Variants in MSANTD2 observed in about 807,000 individuals in gnomAD.
The protein encoded by MSANTD2 is Myb/SANT DNA binding domain containing 2, also known as myb/SANT-like DNA-binding domain-containing protein 2.
In MSANTD2, 19 loss-of-function variants were observed where a neutral mutation model predicts 52.6. That is an observed-to-expected ratio of 0.36 (90% confidence interval 0.25 to 0.53). The LOEUF (loss-of-function observed/expected upper bound fraction) is 0.53. MSANTD2 is among the 20% of genes least tolerant of loss of function. The pLI, the probability that MSANTD2 is intolerant of heterozygous loss-of-function variation, is 0.91. For synonymous variants in MSANTD2, 291 were observed against 289.7 expected (o/e 1.00, Z -0.04); for missense variants, 558 against 716.3 (o/e 0.78, Z 2.52).
intron 1 of MSANTD2, among the ~76,000 whole-genome samples, chr11:124,798,859 T>C (rs554651847): frequency 1.3e-5 from 2 of 152,260 alleles, no homozygotes; most frequent in South Asian, 2.1e-4. Flanking sequence ...ATAGGATAAG[T>C]AGTTCAGTAA....
chr11:124,780,520 T>A (rs2135248022), intron 1 of MSANTD2, among the ~76,000 whole-genome samples: 1 of 152,272 alleles, frequency 6.6e-6, no homozygotes, highest in Middle Eastern at 3.4e-3. Context: ...AGGGCAGAAG[T>A]TCTTAACCTT....
Position 124,783,628 on chromosome 11 carries a change from A to T in MSANTD2, c.511-8654T>A, listed in dbSNP as rs1048557515. 5 of 718,834 alleles carry T rather than the reference A, an allele frequency of 7.0e-6. No individual in the cohort carries two copies. In the South Asian group the frequency reaches 3.2e-4, roughly 45 times the overall value. 44.5% of individuals were successfully genotyped at this position (718,834 alleles called of 1,614,324 possible). ...GAGTGAGACTCTGTCTCAAAAAATA[A>T]AAATAAAAAATAAAAGAAAGTAAAA... On this transcript the variant is annotated intron_variant, in intron 1 of 3. Coordinates refer to ENST00000374979, the MANE Select transcript of MSANTD2 (RefSeq NM_001308027.2).
At chr11:124,793,227 CA>C (rs1375431761) in intron 1 of MSANTD2, among the ~76,000 whole-genome samples, 2 of 152,156 alleles carry the variant, frequency 1.3e-5, no homozygotes, top group African/African-American at 4.8e-5. Context: ...ATTTCCTAAA[CA>C]GCAAAAATTT....
At chr11:124,773,137 A>G (rs1052574111) in intron 2 of MSANTD2, 83 bp from the exon 3 acceptor site, 2 of 774,670 alleles carry the variant, frequency 2.6e-6, no homozygotes, top group African/African-American at 3.5e-5. Flanking sequence ...ATGTTTACTG[A>G]TCATTCCATA....
intron 3 of MSANTD2, among the ~76,000 whole-genome samples, chr11:124,772,538 T>A (rs1405135014): frequency 6.6e-6 from 1 of 152,020 alleles, no homozygotes; most frequent in Non-Finnish European, 1.5e-5. Context: ...GAGATCGAGA[T>A]AATCCTGGCT....
chr11:124,796,854 G>T, intron 1 of MSANTD2, among the ~76,000 whole-genome samples: 1 of 152,144 alleles, frequency 6.6e-6, no homozygotes. Flanking sequence ...AGAGATTTTT[G>T]AACTACTTGT....
intron 1 of MSANTD2, chr11:124,790,294 AGACAG>A (rs1221294036): frequency 6.6e-6 from 1 of 152,246 alleles, no homozygotes; most frequent in Admixed American, 6.5e-5. Flanking sequence ...GAGGAAATAC[AGACAG>A]GACTGTCTTC....
At chr11:124,784,719 C>A (rs1591464300) in intron 1 of MSANTD2, 1 of 950,682 alleles carries the variant, frequency 1.1e-6, no homozygotes, top group East Asian at 1.2e-4. Context: ...GCAAAGATAA[C>A]CTATAATAGA....
chr11:124,800,352 G>A lies in MSANTD2; in HGVS notation c.29C>T (p.Pro10Leu), dbSNP rs1945661968. 2 of 1,547,100 alleles carry A rather than the reference G, an allele frequency of 1.3e-6. No individual in the cohort carries two copies. Among genetic ancestry groups the A allele is most frequent in the African/African-American group, 1.4e-5 (1 of 70,478 alleles). MAAPCGSEL[P>L]ANSPLKIPKM... Reference sequence around the variant, plus strand: ...CGGAATTTTTAGCGGCGAGTTGGCGGGCAGCTCCGAGCCACAGGGCGCAGC... The same window carrying A: ...CGGAATTTTTAGCGGCGAGTTGGCGAGCAGCTCCGAGCCACAGGGCGCAGC... The change falls in exon 1 of 4, where the codon CCC (proline) becomes CTC (leucine). Residue 10 changes from proline to leucine, a missense_variant. Physicochemically the swap from Pro to Leu is moderately conservative, Grantham distance 98. This residue lies in a region of MSANTD2 where 150 missense variants were observed against 142.7 expected (regional missense o/e 1.05). Coordinates refer to ENST00000374979, the MANE Select transcript of MSANTD2 (RefSeq NM_001308027.2). This position sits in a 1 kb window ranked among gnomAD's most constrained non-coding sequence, Gnocchi z 4.3.
At position 124,800,243 on chromosome 11, in the gene MSANTD2, AC is replaced by A; in HGVS notation, c.137del (p.Gly46ValfsTer134). ...PSLSDPSTPR[G>X]ASPLGPGSAA... ...CACTGCCCGGCCCGAGCGGGGAGGC[AC>A]CCCGAGGCGTGGAAGGGTCGGACAG... On this transcript the variant is annotated frameshift_variant, in exon 1 of 4. Transcript: ENST00000374979. LOFTEE classifies it high-confidence loss of function. The surrounding 1 kb of genome is among the most constrained non-coding windows in gnomAD (Gnocchi z 4.3). The A allele has an allele frequency of 6.5e-7, 1 of 1,547,340 alleles. No homozygotes were observed. The highest frequency in any genetic ancestry group is 8.7e-7 in the Non-Finnish European group (1 of 1,150,786).
chr11:124,787,377 T>C (rs565333773), intron 1 of MSANTD2, among the ~76,000 whole-genome samples: 1 of 152,300 alleles, frequency 6.6e-6, no homozygotes, highest in South Asian at 2.1e-4. Context: ...GAATGCCAAC[T>C]TGACTTTTCT....
chr11:124,800,061 G>A lies in MSANTD2; in HGVS notation c.320C>T (p.Ala107Val), dbSNP rs1945644279. Residue 107 changes from alanine to valine, a missense_variant, in exon 1 of 4, where the codon GCC becomes GTC. Around this residue, in one of 2 missense-constraint regions of MSANTD2, gnomAD observed 408 missense variants for 573.6 expected, o/e 0.71. Transcript: ENST00000374979. The surrounding 1 kb of genome is among the most constrained non-coding windows in gnomAD (Gnocchi z 4.3). ...AACRGMSWTP[A>V]ETNALIAVWG... ...CACTGCGATGAGCGCGTTCGTCTCGGCTGGCGTCCACGACATGCCCCGGCA... is the reference window on the plus strand; with the variant it reads ...CACTGCGATGAGCGCGTTCGTCTCGACTGGCGTCCACGACATGCCCCGGCA... 2.6e-6 allele frequency: 4 copies of A among 1,548,552 alleles called. No homozygotes were observed. Among genetic ancestry groups the A allele is most frequent in the Non-Finnish European group, 3.5e-6 (4 of 1,157,560 alleles).
In MSANTD2 at chr11:124,768,504, AAAT is replaced by A. The variant is rs1373858040; in HGVS notation, c.828-479_828-477del. On this transcript the variant is annotated intron_variant, in intron 3 of 3. Transcript: ENST00000374979. ...TTAGAAAAGTATCTGGCGTCACTTA[AAAT>A]AATTAACAGCTTAATTTCTAACCTG... is the stretch of plus-strand genomic sequence containing the variant. Among the ~76,000 whole-genome samples, 3 of 152,344 alleles carry A rather than the reference AAAT, an allele frequency of 2.0e-5. No individual in the cohort carries two copies. The East Asian group carries it at 5.8e-4, about 29-fold the overall frequency.
rs35465165 is a variant in MSANTD2, at chr11:124,799,449, G to GC, written c.510+421dup. Among the ~76,000 whole-genome samples the GC allele has an allele frequency of 1.5e-3, 222 of 151,864 alleles. 2 individuals carry two copies. The East Asian group carries it at 0.026, about 18-fold the overall frequency. The stretch of plus-strand genomic sequence containing the variant: ...ACTATTCCTAAACTAGGGGCTCAAT[G>GC]CCCCCCCCTTCTGCCCTTCCTCAAT... On this transcript the variant is annotated intron_variant, in intron 1 of 3. Transcript: ENST00000374979.
At chr11:124,790,097 C>G (rs971255297) in intron 1 of MSANTD2, 2 of 152,200 alleles carry the variant, frequency 1.3e-5, no homozygotes, top group African/African-American at 4.8e-5. Flanking sequence ...GCTGGTTCTA[C>G]GTTAACGTAA....
At chr11:124,798,565 G>A (rs1051294262) in intron 1 of MSANTD2, among the ~76,000 whole-genome samples, 1 of 152,092 alleles carries the variant, frequency 6.6e-6, no homozygotes, top group Admixed American at 6.5e-5. Context: ...TTAATGGGTG[G>A]CAAATTCCTT....
chr11:124,784,694 A>T, intron 1 of MSANTD2: 1 of 981,472 alleles, frequency 1.0e-6, no homozygotes, highest in Non-Finnish European at 1.2e-6. Context: ...CTCACTAAAA[A>T]CTACCATCTA....
At chr11:124,777,368 G>A (rs78198916) in intron 1 of MSANTD2, among the ~76,000 whole-genome samples, 1,530 of 152,294 alleles carry the variant, frequency 0.01, 26 homozygotes, top group African/African-American at 0.035. Flanking sequence ...GGAAGTCAGG[G>A]AATAAAACTA....
intron 1 of MSANTD2, chr11:124,783,789 A>G: frequency 1.0e-6 from 1 of 985,358 alleles, no homozygotes; most frequent in Non-Finnish European, 1.2e-6. Context: ...AACCCTAAAG[A>G]AGGACAATAC....
Sources: allele counts gnomAD v4.1 joint callset (sites outside exome capture counted in the v4.1 genomes callset), GRCh38; gene constraint gnomAD v4.1.1; regional missense constraint gnomAD v4.1.1; non-coding constraint Gnocchi (gnomAD v3.1); transcripts MANE v1.5; gene names NCBI Gene and HGNC (gene_info 2026-07-23, HGNC 2026-07-21).